LDB2: variants seen among roughly 807,000 people sequenced by gnomAD.
LDB2 encodes LIM domain binding 2, also known as LIM domain-binding protein 2.
A neutral mutation model predicts 44.3 loss-of-function variants in LDB2; 12 were observed. The observed-to-expected ratio is 0.27, with a 90% CI of 0.17 to 0.44. LDB2 has a LOEUF of 0.44. Among genes scored for constraint, LDB2 ranks in the 20% least tolerant of loss-of-function variants. The pLI is 1.00. For synonymous variants in LDB2, 164 were observed against 174.8 expected (o/e 0.94, Z 0.49); for missense variants, 344 against 473.5 (o/e 0.73, Z 2.54).
intron 5 of LDB2, among the ~76,000 whole-genome samples, chr4:16,516,957 A>G (rs535327586): frequency 8.1e-4 from 123 of 152,278 alleles, no homozygotes; most frequent in African/African-American, 2.8e-3. Context: ...CAAAGATGCA[A>G]TGGCTTTGCT....
Position 16,619,807 on chromosome 4 carries a change from T to C in LDB2, c.236-23932A>G, listed in dbSNP as rs188348838. Among the ~76,000 whole-genome samples the C allele has an allele frequency of 1.8e-3, 271 of 152,098 alleles. 1 individual carries two copies. Among genetic ancestry groups the C allele is most frequent in the African/African-American group, 4.5e-3 (187 of 41,498 alleles). On this transcript the variant is annotated intron_variant, in intron 2 of 7. Transcript: ENST00000304523. ...TAGTGGATATCTCTGTTTTTTTTTT[T>C]TTTTCTCCTGGCTTCACAGAAATTT...
At chr4:16,862,880 G>T (rs187049198) in intron 1 of LDB2, among the ~76,000 whole-genome samples, 2 of 152,240 alleles carry the variant, frequency 1.3e-5, no homozygotes, top group Non-Finnish European at 2.9e-5. Context: ...TTGTGCAACT[G>T]TTATAAAGAT....
intron 1 of LDB2, among the ~76,000 whole-genome samples, chr4:16,887,032 CAAAAA>C (rs371783496): frequency 7.7e-4 from 39 of 50,462 alleles, no homozygotes; most frequent in African/African-American, 2.1e-3. Context: ...AACTCCGTCT[CAAAAA>C]AAAAAAAAAA....
intron 2 of LDB2, among the ~76,000 whole-genome samples, chr4:16,729,041 C>T (rs538562705): frequency 2.6e-5 from 4 of 152,266 alleles, no homozygotes; most frequent in African/African-American, 4.8e-5. Context: ...GCATGAAAGA[C>T]GGTTCATGTC....
chr4:16,642,409 A>G (rs1735458799), intron 2 of LDB2, among the ~76,000 whole-genome samples: 1 of 152,218 alleles, frequency 6.6e-6, no homozygotes, highest in Non-Finnish European at 1.5e-5. Flanking sequence ...AAAACAGGAA[A>G]TACCCATAAA....
At chr4:16,566,650 T>C (rs1744630156) in intron 5 of LDB2, among the ~76,000 whole-genome samples, 1 of 152,090 alleles carries the variant, frequency 6.6e-6, no homozygotes, top group African/African-American at 2.4e-5. Flanking sequence ...CCAGATGACA[T>C]AGGGAAAATA....
intron 1 of LDB2, among the ~76,000 whole-genome samples, chr4:16,806,492 G>A (rs1778816915): frequency 6.6e-6 from 1 of 152,228 alleles, no homozygotes; most frequent in Non-Finnish European, 1.5e-5. Flanking sequence ...GGGACAAGTG[G>A]ACACTGGCAA....
At chr4:16,527,896 A>G (rs545562626) in intron 5 of LDB2, among the ~76,000 whole-genome samples, 36 of 152,260 alleles carry the variant, frequency 2.4e-4, no homozygotes, top group Non-Finnish European at 4.6e-4. Flanking sequence ...ATATCAAAGC[A>G]TCAAGTTGTG....
chr4:16,825,116 T>C (rs1782812644), intron 1 of LDB2, among the ~76,000 whole-genome samples: 1 of 152,092 alleles, frequency 6.6e-6, no homozygotes, highest in African/African-American at 2.4e-5. Context: ...CCCTGAATGA[T>C]GAGTAGCTCA....
At chr4:16,571,303 G>C (rs1226295704) in intron 5 of LDB2, among the ~76,000 whole-genome samples, 1 of 152,152 alleles carries the variant, frequency 6.6e-6, no homozygotes, top group Non-Finnish European at 1.5e-5. Flanking sequence ...GGTGATAAAG[G>C]GTGGCCTTGA....
At chr4:16,546,653 C>T in intron 5 of LDB2, among the ~76,000 whole-genome samples, 1 of 152,192 alleles carries the variant, frequency 6.6e-6, no homozygotes, top group East Asian at 1.9e-4. Flanking sequence ...ATCCACACTG[C>T]CAAGGTGAAA....
chr4:16,682,851 G>A (rs960617037), intron 2 of LDB2, among the ~76,000 whole-genome samples: 3 of 152,196 alleles, frequency 2.0e-5, no homozygotes, highest in Non-Finnish European at 4.4e-5. Context: ...ACCAAGATGG[G>A]AAACAGCGTG....
intron 2 of LDB2, among the ~76,000 whole-genome samples, chr4:16,698,134 C>G (rs1321922782): frequency 6.6e-6 from 1 of 152,138 alleles, no homozygotes; most frequent in Non-Finnish European, 1.5e-5. Flanking sequence ...GTTTTTGTCC[C>G]TTTGCCTTGT....
At chr4:16,802,362 AG>A (rs1315971678) in intron 1 of LDB2, among the ~76,000 whole-genome samples, 1 of 152,186 alleles carries the variant, frequency 6.6e-6, no homozygotes, top group Non-Finnish European at 1.5e-5. Context: ...TGCCAGCAAA[AG>A]CAATCCCAGA....
intron 2 of LDB2, among the ~76,000 whole-genome samples, chr4:16,601,701 T>A (rs867490293): frequency 2.1e-4 from 32 of 152,276 alleles, no homozygotes; most frequent in Non-Finnish European, 8.8e-5. Context: ...CTGCTAGAGC[T>A]TCTGTAATTC....
At chr4:16,783,390 G>T (rs971762613) in intron 1 of LDB2, among the ~76,000 whole-genome samples, 5 of 152,262 alleles carry the variant, frequency 3.3e-5, no homozygotes, top group Non-Finnish European at 1.5e-5. Context: ...TTCTCACCAA[G>T]GCCCAAGAGA....
chr4:16,518,422 T>G (rs968203291), intron 5 of LDB2, among the ~76,000 whole-genome samples: 10 of 148,354 alleles, frequency 6.7e-5, no homozygotes, highest in Non-Finnish European at 1.3e-4. Context: ...CCCTCTACTC[T>G]TTGTATGTAG....
chr4:16,546,806 T>A (rs1735931152), intron 5 of LDB2, among the ~76,000 whole-genome samples: 1 of 152,164 alleles, frequency 6.6e-6, no homozygotes, highest in Non-Finnish European at 1.5e-5. Context: ...AGCTCTCTCT[T>A]CTCCTGGCGA....
At chr4:16,704,626 A>G (rs1274174843) in intron 2 of LDB2, among the ~76,000 whole-genome samples, 1 of 152,276 alleles carries the variant, frequency 6.6e-6, no homozygotes, top group Non-Finnish European at 1.5e-5. Flanking sequence ...GAAAAAATTT[A>G]CAAATGATAG....
Sources: allele counts gnomAD v4.1 joint callset (sites outside exome capture counted in the v4.1 genomes callset), GRCh38; gene constraint gnomAD v4.1.1; transcripts MANE v1.5; gene names NCBI Gene and HGNC (gene_info 2026-07-23, HGNC 2026-07-21).